NELL1: variants seen among roughly 807,000 people sequenced by gnomAD.
NELL1 encodes the protein neural EGFL like 1.
NELL1 carries 76 observed loss-of-function variants against 107.4 expected under a neutral mutation model. The ratio of observed to expected loss-of-function variants is 0.71; its 90% CI spans 0.59 to 0.86. NELL1 has a LOEUF of 0.86. Ranked by LOEUF, NELL1 falls within the 40% of genes least tolerant of loss-of-function variation. The probability of loss-of-function intolerance (pLI) is 0.00; values close to 1 mark genes in which losing one functional copy is unlikely to be tolerated. For missense variants in NELL1, 1,024 were observed against 1,005.5 expected, an observed-to-expected ratio of 1.02 and a Z score of -0.25; for synonymous variants, 353 against 341.2, an observed-to-expected ratio of 1.03 and a Z score of -0.38.
intron 15 of NELL1, among the ~76,000 whole-genome samples, chr11:21,441,448 T>C (rs947859623): frequency 1.1e-4 from 17 of 151,480 alleles, no homozygotes; most frequent in African/African-American, 3.6e-4. Flanking sequence ...TATTGCACAG[T>C]TCTATTGTGT....
At chr11:21,203,923 T>C (rs1209046247) in intron 13 of NELL1, among the ~76,000 whole-genome samples, 3 of 152,198 alleles carry the variant, frequency 2.0e-5, no homozygotes, top group Admixed American at 6.5e-5. Context: ...TCTCTAAGAA[T>C]GTTGAATATT....
intron 1 of NELL1, chr11:20,674,631 T>C: frequency 2.0e-6 from 2 of 1,013,282 alleles, no homozygotes; most frequent in Non-Finnish European, 3.0e-6. Context: ...AAATGAATGC[T>C]TTTCTTAAGG....
chr11:20,774,442 G>GGATAGACT (rs148814806), intron 2 of NELL1, among the ~76,000 whole-genome samples: 36,038 of 149,082 alleles, frequency 0.24, 4,777 homozygotes, highest in African/African-American at 0.34. Context: ...ATGTTCCTCA[G>GGATAGACT]GATAGACTAG....
intron 14 of NELL1, among the ~76,000 whole-genome samples, chr11:21,343,085 G>A (rs945676477): frequency 6.6e-6 from 1 of 151,874 alleles, no homozygotes; most frequent in African/African-American, 2.4e-5. Flanking sequence ...TTTGTCTCTT[G>A]CAATAGATAC....
chr11:20,811,303 C>A (rs1478558892), intron 3 of NELL1, among the ~76,000 whole-genome samples: 1 of 152,056 alleles, frequency 6.6e-6, no homozygotes, highest in Non-Finnish European at 1.5e-5. Context: ...TCCATTGTTG[C>A]ATGTCTGTTT....
At chr11:21,142,325 T>C (rs1466297476) in intron 13 of NELL1, among the ~76,000 whole-genome samples, 2 of 152,224 alleles carry the variant, frequency 1.3e-5, no homozygotes. Context: ...CATTCAATAC[T>C]GATTCCAGTG....
At chr11:21,357,124 G>A (rs538571191) in intron 14 of NELL1, among the ~76,000 whole-genome samples, 2 of 152,282 alleles carry the variant, frequency 1.3e-5, no homozygotes, top group East Asian at 1.9e-4. Context: ...GTGTGCGCAG[G>A]TGTCTTTTTC....
At chr11:21,373,163 C>A (rs550578693) in intron 15 of NELL1, among the ~76,000 whole-genome samples, 6 of 152,050 alleles carry the variant, frequency 3.9e-5, no homozygotes, top group African/African-American at 1.4e-4. Context: ...TAATATTGGC[C>A]AATACTCAAA....
At chr11:21,379,714 T>G (rs1263504380) in intron 15 of NELL1, among the ~76,000 whole-genome samples, 2 of 152,130 alleles carry the variant, frequency 1.3e-5, no homozygotes, top group African/African-American at 4.8e-5. Flanking sequence ...GCAGAAAAAT[T>G]TATTCTACTC....
intron 1 of NELL1, among the ~76,000 whole-genome samples, chr11:20,672,053 T>A (rs1437281572): frequency 6.6e-6 from 1 of 152,210 alleles, no homozygotes; most frequent in Non-Finnish European, 1.5e-5. Context: ...ATTTGAACAC[T>A]AGAGGCCGCA....
chr11:21,401,919 A>G (rs1852105970), intron 15 of NELL1, among the ~76,000 whole-genome samples: 1 of 151,804 alleles, frequency 6.6e-6, no homozygotes, highest in Admixed American at 6.6e-5. Flanking sequence ...AACAATGTAG[A>G]TATAGAACTG....
chr11:20,719,089 G>T (rs1305209278), intron 2 of NELL1, among the ~76,000 whole-genome samples: 1 of 152,232 alleles, frequency 6.6e-6, no homozygotes, highest in Admixed American at 6.5e-5. Flanking sequence ...AAGCAAGGAA[G>T]TGGCCTCCCC....
intron 14 of NELL1, among the ~76,000 whole-genome samples, chr11:21,333,770 C>G (rs1377966906): frequency 2.0e-5 from 3 of 152,046 alleles, no homozygotes; most frequent in Non-Finnish European, 4.4e-5. Flanking sequence ...TAAGTGACTG[C>G]TGTCCCTGGC....
intron 2 of NELL1, among the ~76,000 whole-genome samples, chr11:20,697,671 C>G (rs1313866626): frequency 6.6e-6 from 1 of 152,098 alleles, no homozygotes; most frequent in Non-Finnish European, 1.5e-5. Flanking sequence ...AATATGACCT[C>G]TGGCACCCTA....
At chr11:21,528,775 C>G (rs961814717) in intron 15 of NELL1, among the ~76,000 whole-genome samples, 14 of 152,068 alleles carry the variant, frequency 9.2e-5, no homozygotes, top group African/African-American at 3.1e-4. Context: ...GTAACAGAAT[C>G]AGAATTCAAA....
chr11:20,905,155 C>T (rs535369322), intron 5 of NELL1, among the ~76,000 whole-genome samples: 126 of 152,006 alleles, frequency 8.3e-4, no homozygotes, highest in African/African-American at 3.0e-3. Context: ...TACTTTATAA[C>T]ATAAGATTAG....
rs902978168 is a variant in NELL1, at chr11:20,684,419, C to G, written c.184+6359C>G. Among the ~76,000 whole-genome samples, 4 of 152,080 alleles carry G rather than the reference C, an allele frequency of 2.6e-5. No homozygotes were observed. The East Asian group carries it at 7.7e-4, about 29-fold the overall frequency. On this transcript the variant is annotated intron_variant, in intron 2 of 19. Transcript: ENST00000357134. ...CTATCACTTAGTGTATTTTTTACCT[C>G]ATATATTGTAGCTTTAACTCTGTAA...
chr11:21,500,362 A>G (rs935470578), intron 15 of NELL1, among the ~76,000 whole-genome samples: 8 of 152,136 alleles, frequency 5.3e-5, no homozygotes, highest in Non-Finnish European at 7.4e-5. Context: ...TTTATAAATA[A>G]TCTTAGATTA....
chr11:20,923,808 A>G (rs756118712), intron 7 of NELL1, among the ~76,000 whole-genome samples: 4 of 152,216 alleles, frequency 2.6e-5, no homozygotes, highest in Non-Finnish European at 5.9e-5. Flanking sequence ...GAGGAATTCA[A>G]TAATGATTTT....
Sources: allele counts gnomAD v4.1 joint callset (sites outside exome capture counted in the v4.1 genomes callset), GRCh38; gene constraint gnomAD v4.1.1; transcripts MANE v1.5; gene names NCBI Gene and HGNC (gene_info 2026-07-23, HGNC 2026-07-21).